Variants in USP7 observed in about 807,000 individuals in gnomAD.
USP7 encodes ubiquitin C-terminal hydrolase 7.
A neutral mutation model predicts 162.9 loss-of-function variants in USP7; 9 were observed. That is an observed-to-expected ratio of 0.06 (90% CI 0.03 to 0.10). The LOEUF (loss-of-function observed/expected upper bound fraction) is 0.10. Among genes scored for constraint, USP7 ranks in the 10% least tolerant of loss-of-function variants. The pLI is 1.00. For missense variants in USP7, 715 were observed against 1,373.7 expected, an observed-to-expected ratio of 0.52 and a Z score of 7.58; for synonymous variants, 562 against 475.9, an observed-to-expected ratio of 1.18 and a Z score of -2.35.
intron 27 of USP7, 99 bp from the exon 28 acceptor site, chr16:8,895,249 G>C (rs923322343): frequency 1.3e-6 from 2 of 1,564,646 alleles, no homozygotes; most frequent in African/African-American, 2.7e-5. Flanking sequence ...GGAGGGTAAA[G>C]CCTATTTTTG....
At chr16:8,945,260 T>C (rs1899227031) in intron 1 of USP7, among the ~76,000 whole-genome samples, 1 of 151,814 alleles carries the variant, frequency 6.6e-6, no homozygotes, top group Non-Finnish European at 1.5e-5. Context: ...GGTGCACACC[T>C]GTAATCCCAG....
At chr16:8,952,778 A>T (rs1390785766) in intron 1 of USP7, among the ~76,000 whole-genome samples, 1 of 151,864 alleles carries the variant, frequency 6.6e-6, no homozygotes, top group South Asian at 2.1e-4. Context: ...CTAGTCACAG[A>T]GTCTGGCAGT....
At chr16:8,942,501 T>A (rs1203886525) in intron 1 of USP7, among the ~76,000 whole-genome samples, 1 of 152,188 alleles carries the variant, frequency 6.6e-6, no homozygotes, top group East Asian at 1.9e-4. Flanking sequence ...ACGGGGGCCC[T>A]CCTAAGTAAC....
intron 1 of USP7, among the ~76,000 whole-genome samples, chr16:8,957,810 A>G (rs1015965547): frequency 4.6e-5 from 7 of 152,096 alleles, no homozygotes; most frequent in African/African-American, 1.7e-4. Context: ...GATAACAAAA[A>G]TAGACTTTAC....
chr16:8,929,719 G>A (rs922436751), intron 2 of USP7, among the ~76,000 whole-genome samples: 3 of 152,132 alleles, frequency 2.0e-5, no homozygotes, highest in African/African-American at 7.2e-5. Flanking sequence ...AAGAAGGAAT[G>A]GTCTCGGAAG....
At chr16:8,922,602 A>G (rs1286882157) in intron 3 of USP7, among the ~76,000 whole-genome samples, 1 of 152,258 alleles carries the variant, frequency 6.6e-6, no homozygotes, top group Non-Finnish European at 1.5e-5. Flanking sequence ...GGACAGGTGC[A>G]GTCCAAGTCA....
At chr16:8,912,757 C>A (rs1475347652) in intron 10 of USP7, among the ~76,000 whole-genome samples, 1 of 148,058 alleles carries the variant, frequency 6.8e-6, no homozygotes, top group Non-Finnish European at 1.5e-5. Flanking sequence ...GACCTTGTCT[C>A]CAAATAATTA....
Position 8,902,117 on chromosome 16 carries a change from G to A in USP7, c.2012C>T (p.Ala671Val). ...FLETVDPELAASGATLPKFDK... is the reference protein window; with the variant it reads ...FLETVDPELAVSGATLPKFDK... Reference sequence around the variant, plus strand: ...AAACTTGGGTAAGGTCGCTCCACTAGCAGCCAGCTCGGGATCAACTGTTTC... The same window carrying A: ...AAACTTGGGTAAGGTCGCTCCACTAACAGCCAGCTCGGGATCAACTGTTTC... Residue 671 changes from alanine (A) to valine (V), a missense_variant, in exon 18 of 31, where the codon GCT (alanine) becomes GTT (valine). Coordinates refer to ENST00000344836, the MANE Select transcript of USP7 (RefSeq NM_003470.3). The A allele has an allele frequency of 6.2e-7, 1 of 1,614,108 alleles. No individual in the cohort carries two copies. The highest frequency in any genetic ancestry group is 1.6e-4 in the Middle Eastern group (1 of 6,062).
chr16:8,942,800 G>A (rs1346073175), intron 1 of USP7, among the ~76,000 whole-genome samples: 3 of 152,218 alleles, frequency 2.0e-5, no homozygotes, highest in South Asian at 2.1e-4. Context: ...CTCCCAGCTC[G>A]GCCTCCAAAA....
intron 1 of USP7, among the ~76,000 whole-genome samples, chr16:8,961,221 G>A (rs60556906): frequency 6.6e-6 from 1 of 151,988 alleles, no homozygotes; most frequent in Non-Finnish European, 1.5e-5. Context: ...GGCCAGGCGC[G>A]ATGGCTCACA....
At chr16:8,898,288 T>C in intron 25 of USP7, 72 bp downstream of exon 25, 2 of 1,261,630 alleles carry the variant, frequency 1.6e-6, no homozygotes, top group Non-Finnish European at 2.2e-6. Context: ...TAGTTTTCAA[T>C]GTCTGGGGAC....
Position 8,936,359 on chromosome 16 carries a change from G to C in USP7, c.80-5962C>G, listed in dbSNP as rs560967056. On this transcript the variant is annotated intron_variant, in intron 1 of 30. Transcript: ENST00000344836. Reference sequence around the variant, plus strand: ...TCTGGGTTCTGCATGGTCCTCTCTTGACCTCTCATCTCCTCTCCCCACAAT... The same window carrying C: ...TCTGGGTTCTGCATGGTCCTCTCTTCACCTCTCATCTCCTCTCCCCACAAT... 4.6e-5 allele frequency among the ~76,000 whole-genome samples: 7 copies of C among 152,166 alleles called. No homozygotes were observed. In the South Asian group the frequency reaches 1.2e-3, roughly 27 times the overall value.
chr16:8,942,585 T>C (rs1299714358), intron 1 of USP7, among the ~76,000 whole-genome samples: 3 of 152,208 alleles, frequency 2.0e-5, no homozygotes, highest in African/African-American at 4.8e-5. Flanking sequence ...TCTCGCTCTG[T>C]TGGGCAGGCT....
intron 1 of USP7, among the ~76,000 whole-genome samples, chr16:8,933,369 A>G (rs561256302): frequency 4.4e-4 from 67 of 152,338 alleles, no homozygotes; most frequent in African/African-American, 1.5e-3. Context: ...CAATATAGTG[A>G]GATTCCCAAC....
At chr16:8,914,538 T>C (rs1380211147) in intron 10 of USP7, among the ~76,000 whole-genome samples, 1 of 152,180 alleles carries the variant, frequency 6.6e-6, no homozygotes, top group Non-Finnish European at 1.5e-5. Context: ...TGGTATATTC[T>C]CAAAATGGAA....
chr16:8,898,784 T>C lies in USP7; in HGVS notation c.2532-145A>G, dbSNP rs1664904860. On this transcript the variant is annotated intron_variant, in intron 23 of 30. Transcript: ENST00000344836. The stretch of plus-strand genomic sequence containing the variant: ...CATGGGGTTTAACTTAATACTCCTG[T>C]TTCCCAAGAACTAAGTCCCACTCGC... 2.4e-5 allele frequency: 16 copies of C among 667,366 alleles called. No individual in the cohort carries two copies. In the South Asian group the frequency reaches 3.2e-4, roughly 14 times the overall value. The allele number at this position is 667,366 out of a possible 1,614,324, so 41.3% of individuals were successfully genotyped here.
rs1001880454 is a variant in USP7 at position 8,921,138 on chromosome 16, T to C, written c.522+19A>G. The C allele has an allele frequency of 6.2e-7, 1 of 1,612,778 alleles. No individual in the cohort carries two copies. Among genetic ancestry groups the C allele is most frequent in the South Asian group, 1.1e-5 (1 of 91,068 alleles). ...GCAGTAATGCACCAATTGTTCAGAC[T>C]AAATACACTGTTACTTACACTCCAG... On this transcript the variant is annotated intron_variant, in intron 4 of 30. Coordinates refer to ENST00000344836, the MANE Select transcript of USP7 (RefSeq NM_003470.3).
chr16:8,915,205 C>A (rs370169727), intron 10 of USP7, 49 bp downstream of exon 10: 3 of 1,483,286 alleles, frequency 2.0e-6, no homozygotes, highest in African/African-American at 1.4e-5. Flanking sequence ...CATTAAAACA[C>A]AGTAGAAATC....
In USP7 at chr16:8,930,374, T is replaced by C. The variant is rs1488207861; in HGVS notation, c.103A>G (p.Arg35Gly). 3.1e-6 allele frequency: 5 copies of C among 1,612,082 alleles called. No homozygotes were observed. Among genetic ancestry groups the C allele is most frequent in the Non-Finnish European group, 4.2e-6 (5 of 1,179,042 alleles). Reference sequence around the variant, plus strand: ...TTGATCACAGGGTTCTGAGTAATTCTTGGTGGGTCATCTGTATCTCCCGCT... The same window carrying C: ...TTGATCACAGGGTTCTGAGTAATTCCTGGTGGGTCATCTGTATCTCCCGCT... ...MEAGDTDDPP[R>G]ITQNPVINGN... The change falls in exon 2 of 31, where the codon AGA becomes GGA. Residue 35 changes from arginine (R) to glycine (G), a missense_variant. Arg to Gly is a moderately radical substitution (Grantham distance 125). Transcript: ENST00000344836.
Sources: gnomAD v4.1 joint callset for allele counts (sites outside exome capture counted in the v4.1 genomes callset) on GRCh38, gnomAD v4.1.1 for gene constraint, MANE v1.5 for transcripts, NCBI Gene and HGNC (gene_info 2026-07-23, HGNC 2026-07-21) for gene names.